Variants in REXO1 observed in about 807,000 individuals in gnomAD.
REXO1 encodes REX1, RNA exonuclease 1 homolog.
In REXO1, 42 loss-of-function variants were observed where a neutral mutation model predicts 102.6. The observed-to-expected ratio is 0.41, with a 90% confidence interval of 0.32 to 0.53. REXO1 has a LOEUF of 0.53. Ranked by LOEUF, REXO1 falls within the 20% of genes least tolerant of loss-of-function variation. The probability of loss-of-function intolerance (pLI) is 0.27; values close to 1 mark genes in which losing one functional copy is unlikely to be tolerated. For missense variants in REXO1, 1,819 were observed against 1,732.5 expected (o/e 1.05, Z -0.89); for synonymous variants, 908 against 779.1 (o/e 1.17, Z -2.76).
At chr19:1,825,773 G>C in intron 3 of REXO1, 66 bp downstream of exon 3, 1 of 1,185,654 alleles carries the variant, frequency 8.4e-7, no homozygotes, top group Non-Finnish European at 1.2e-6. Flanking sequence ...ACCAAACCAG[G>C]CCAACCTCGT....
chr19:1,838,839 C>T (rs531766200), intron 1 of REXO1, among the ~76,000 whole-genome samples: 3 of 149,492 alleles, frequency 2.0e-5, no homozygotes, highest in African/African-American at 4.9e-5. Flanking sequence ...AGCTCTCAGC[C>T]GGGCACGGTA....
In REXO1 at chr19:1,826,727, G is replaced by A. The variant is rs908385962; in HGVS notation, c.1911+151C>T. ...GCTGCCCGGGTGCTCCTGAGCTCCT[G>A]AGATTTCAACGGGCTCAGGGACCAG... is the stretch of plus-strand genomic sequence containing the variant. On this transcript the variant is annotated intron_variant, in intron 2 of 15. Coordinates refer to ENST00000170168, the MANE Select transcript of REXO1 (RefSeq NM_020695.4). The surrounding 1 kb of genome is among the most constrained non-coding windows in gnomAD (Gnocchi z 4.3). 1 of 1,355,498 alleles carries A rather than the reference G, an allele frequency of 7.4e-7. No individual in the cohort carries two copies. The highest frequency in any genetic ancestry group is 1.5e-5 in the African/African-American group (1 of 67,420). 84.0% of individuals were successfully genotyped at this position (1,355,498 alleles called of 1,614,324 possible). A position where few individuals can be genotyped will look rare whatever the true frequency, so the allele number is the denominator to read the frequency against.
At chr19:1,817,605 C>T in intron 11 of REXO1, 102 bp downstream of exon 11, 1 of 1,447,284 alleles carries the variant, frequency 6.9e-7, no homozygotes, top group Non-Finnish European at 9.4e-7. Context: ...GGGCCCAGAC[C>T]CTGAGCCCAG....
chr19:1,844,503 C>T (rs530478895), intron 1 of REXO1, among the ~76,000 whole-genome samples: 7 of 152,222 alleles, frequency 4.6e-5, no homozygotes, highest in South Asian at 2.1e-4. Flanking sequence ...ATTGGGTACA[C>T]GGTGGGTGGG....
chr19:1,820,136 CG>C, intron 6 of REXO1, 79 bp from the exon 7 acceptor site: 1 of 1,566,978 alleles, frequency 6.4e-7, no homozygotes, highest in Non-Finnish European at 8.6e-7. Flanking sequence ...GCCATGGGGT[CG>C]GGGACTTGCA....
At chr19:1,818,386 T>C (rs2069432492) in intron 10 of REXO1, 96 bp downstream of exon 10, 2 of 910,308 alleles carry the variant, frequency 2.2e-6, no homozygotes, top group African/African-American at 3.3e-5. Context: ...ATGGAGGGCC[T>C]GGGTAAAGCC....
In REXO1 at chr19:1,828,330, G is replaced by A. The variant is rs769137879; in HGVS notation, c.459C>T (p.Pro153=). 2.2e-5 allele frequency: 35 copies of A among 1,609,622 alleles called. No homozygotes were observed. Among genetic ancestry groups the A allele is most frequent in the East Asian group, 1.3e-4 (6 of 44,808 alleles). Residue 153 remains proline, a synonymous_variant, in exon 2 of 16, where the codon CCC becomes CCT. Transcript: ENST00000170168. ...DAFPLAFDYS[P]GSHGLLSPDA... is the part of the protein sequence containing the mutation. ...CAGGGCTTAATAGGCCGTGGCTGCC[G>A]GGGCTGTAGTCGAAGGCCAGTGGGA...
Position 1,827,286 on chromosome 19 carries a change from G to T in REXO1, c.1503C>A (p.Asp501Glu). The T allele has an allele frequency of 6.4e-7, 1 of 1,564,418 alleles. No homozygotes were observed. The highest frequency in any genetic ancestry group is 8.6e-7 in the Non-Finnish European group (1 of 1,161,742). ...TGGGGGCGTCCTGGGAGGCGCCCTC[G>T]TCTAGTGAGCGGGCTTTCCGCTCCA... ...KLVERKARSL[D>E]EGASQDAPKL... is the part of the protein sequence containing the mutation. Residue 501 changes from aspartate to glutamate, a missense_variant, in exon 2 of 16, where the codon GAC becomes GAA. Asp to Glu is a conservative substitution (Grantham distance 45). Coordinates refer to ENST00000170168, the MANE Select transcript of REXO1 (RefSeq NM_020695.4).
chr19:1,827,265 G>C lies in REXO1; in HGVS notation c.1524C>G (p.Ala508=), dbSNP rs1369096088. 1 of 1,559,486 alleles carries C rather than the reference G, an allele frequency of 6.4e-7. No individual in the cohort carries two copies. Among genetic ancestry groups the C allele is most frequent in the Admixed American group, 1.9e-5 (1 of 53,160 alleles). Residue 508 remains alanine (A), a synonymous_variant, in exon 2 of 16, where the codon GCC becomes GCG. Transcript: ENST00000170168. The part of the protein sequence containing the change: ...RSLDEGASQD[A]PKLKKRALSH... ...TCAGGGCCCGCTTCTTCAGCTTGGG[G>C]GCGTCCTGGGAGGCGCCCTCGTCTA...
At chr19:1,823,538 C>T in intron 4 of REXO1, 34 bp downstream of exon 4, 2 of 1,268,492 alleles carry the variant, frequency 1.6e-6, no homozygotes, top group Non-Finnish European at 2.0e-6. Flanking sequence ...ATGCCCACGG[C>T]CCCCCGGCAC....
chr19:1,837,031 G>A (rs2145315517), intron 1 of REXO1, among the ~76,000 whole-genome samples: 1 of 152,354 alleles, frequency 6.6e-6, no homozygotes, highest in Admixed American at 6.5e-5. Context: ...GGAGCCATCT[G>A]GGCGGCCTGA....
chr19:1,837,596 C>T (rs1234353764), intron 1 of REXO1, among the ~76,000 whole-genome samples: 1 of 152,222 alleles, frequency 6.6e-6, no homozygotes, highest in African/African-American at 2.4e-5. Flanking sequence ...GCCCCACCCC[C>T]CACACCAGAC....
chr19:1,821,198 A>G (rs1388514347), intron 5 of REXO1, among the ~76,000 whole-genome samples: 1 of 150,486 alleles, frequency 6.6e-6, no homozygotes, highest in Non-Finnish European at 1.5e-5. Context: ...ATACAAAAAC[A>G]GCCAGGCGTG....
chr19:1,845,456 G>A (rs778207597), intron 1 of REXO1, among the ~76,000 whole-genome samples: 45 of 152,184 alleles, frequency 3.0e-4, no homozygotes, highest in Admixed American at 1.4e-3. Flanking sequence ...TTGAGTCCAG[G>A]AGCTCAAGAC....
chr19:1,847,405 G>C (rs1224274898), intron 1 of REXO1, among the ~76,000 whole-genome samples: 2 of 152,186 alleles, frequency 1.3e-5, no homozygotes, highest in African/African-American at 4.8e-5. Flanking sequence ...GTCAGGGGCT[G>C]GGTGAAGCAG....
In REXO1 at chr19:1,822,555, G is replaced by A. The variant is rs138303443; in HGVS notation, c.2231-873C>T. ...GGACGCCAGACTCCCTTCAGGCGGC[G>A]GGCCCCAAGGGCACTGCGACAGCTC... On this transcript the variant is annotated intron_variant, in intron 4 of 15. Transcript: ENST00000170168. 7.8e-3 allele frequency: 1,186 copies of A among 152,442 alleles called. 7 individuals carry two copies. Among genetic ancestry groups the A allele is most frequent in the Admixed American group, 0.012 (187 of 15,308 alleles). The allele number at this position is 152,442 out of a possible 1,614,324, so 9.4% of individuals were successfully genotyped here.
intron 1 of REXO1, among the ~76,000 whole-genome samples, chr19:1,841,171 G>A (rs573506789): frequency 6.7e-6 from 1 of 149,164 alleles, no homozygotes; most frequent in South Asian, 2.2e-4. Context: ...TGAGGCTCAG[G>A]GACCCCCAGG....
At chr19:1,816,193 G>C (rs758535327) in intron 15 of REXO1, 32 bp downstream of exon 15, 5 of 1,567,698 alleles carry the variant, frequency 3.2e-6, no homozygotes, top group Non-Finnish European at 4.3e-6. Flanking sequence ...CCCCTGCGCA[G>C]GGACGGCCCC....
rs749962007 is a variant in REXO1, at chr19:1,828,502, T to G, written c.287A>C (p.Glu96Ala). ...LELELVNQAI[E>A]AVRSEVELEQ... ...CAGCTCCACCTCACTGCGCACGGCC[T>G]CGATGGCCTGGTTGACCAGCTCCAA... The change falls in exon 2 of 16, where the codon GAG becomes GCG. Residue 96 changes from glutamate (E) to alanine (A), a missense_variant. Physicochemically the swap from Glu to Ala is moderately radical, Grantham distance 107. Transcript: ENST00000170168. 6.2e-7 allele frequency: 1 copy of G among 1,605,068 alleles called. No individual in the cohort carries two copies. The highest frequency in any genetic ancestry group is 1.1e-5 in the South Asian group (1 of 91,076).
Sources: allele counts gnomAD v4.1 joint callset (sites outside exome capture counted in the v4.1 genomes callset), GRCh38; gene constraint gnomAD v4.1.1; non-coding constraint Gnocchi (gnomAD v3.1); transcripts MANE v1.5; gene names NCBI Gene and HGNC (gene_info 2026-07-23, HGNC 2026-07-21).